Variants in PSMA7 observed in about 807,000 individuals in gnomAD.
PSMA7 encodes proteasome subunit alpha type-7.
A neutral mutation model predicts 31.3 loss-of-function variants in PSMA7; 5 were observed. That is an observed-to-expected ratio of 0.16 (90% CI 0.08 to 0.34). The LOEUF is 0.34. PSMA7 is among the 10% of genes least tolerant of loss of function. The probability of loss-of-function intolerance (pLI) is 1.00; values close to 1 mark genes in which losing one functional copy is unlikely to be tolerated. For synonymous variants in PSMA7, 155 were observed against 121.9 expected, an observed-to-expected ratio of 1.27 and a Z score of -1.79; for missense variants, 217 against 327.5, an observed-to-expected ratio of 0.66 and a Z score of 2.60.
At chr20:62,142,933 C>T (rs2056946010) in intron 1 of PSMA7, among the ~76,000 whole-genome samples, 1 of 150,382 alleles carries the variant, frequency 6.6e-6, no homozygotes, top group Admixed American at 6.6e-5. Flanking sequence ...GTCGTCACGG[C>T]CCCCGTGCCC....
intron 1 of PSMA7, 51 bp downstream of exon 1, chr20:62,143,157 A>C: frequency 1.6e-6 from 2 of 1,257,240 alleles, no homozygotes; most frequent in Non-Finnish European, 2.0e-6. Context: ...TGGGCTCCCC[A>C]GCCCCACTTC....
intron 4 of PSMA7, 47 bp from the exon 5 acceptor site, chr20:62,138,337 C>A: frequency 1.9e-6 from 3 of 1,548,892 alleles, no homozygotes; most frequent in Middle Eastern, 1.9e-4. Context: ...CATGACAACC[C>A]AGGGCCAGCC....
chr20:62,143,249 CT>C lies in PSMA7; in HGVS notation c.54del (p.Val19TrpfsTer64). 6.8e-7 allele frequency: 1 copy of C among 1,481,034 alleles called. No homozygotes were observed. The highest frequency in any genetic ancestry group is 9.0e-7 in the Non-Finnish European group (1 of 1,110,236). 91.7% of individuals were successfully genotyped at this position (1,481,034 alleles called of 1,614,324 possible). ...TVFSPDGHLF[Q>X]VEYAQEAVKK... ...TTGACGGCCTCCTGCGCGTACTCCA[CT>C]TGGAAGAGGTGGCCGTCGGGCGAGA... On this transcript the variant is annotated frameshift_variant, in exon 1 of 7. Coordinates refer to ENST00000370873, the MANE Select transcript of PSMA7 (RefSeq NM_002792.4). LOFTEE classifies it high-confidence loss of function.
Position 62,143,300 on chromosome 20 carries a change from T to C in PSMA7, c.4A>G (p.Ser2Gly). 7.0e-7 allele frequency: 1 copy of C among 1,424,750 alleles called. No homozygotes were observed. The highest frequency in any genetic ancestry group is 9.3e-7 in the Non-Finnish European group (1 of 1,074,382). The allele number at this position is 1,424,750 out of a possible 1,614,324, so 88.3% of individuals were successfully genotyped here. ...AAGACGGTGATGGCGCGGTCGTAGC[T>C]CATGCCGGCGGGCGGCGGCCGGGCT... is the stretch of plus-strand genomic sequence containing the variant. M[S>G]YDRAITVFSP... Residue 2 changes from serine (S) to glycine (G), a missense_variant, in exon 1 of 7, where the codon AGC becomes GGC. This residue lies in a region of PSMA7 where 76 missense variants were observed against 96.5 expected (regional missense o/e 0.79). Coordinates refer to ENST00000370873, the MANE Select transcript of PSMA7 (RefSeq NM_002792.4).
At chr20:62,138,976 T>C (rs886464273) in intron 4 of PSMA7, 99 bp downstream of exon 4, 5 of 1,452,038 alleles carry the variant, frequency 3.4e-6, no homozygotes, top group Admixed American at 2.1e-5. Context: ...AACTGACTCA[T>C]TCACTGATAC....
In PSMA7 at chr20:62,139,865, C is replaced by A; in HGVS notation, c.264G>T (p.Arg88=). 1 of 1,614,034 alleles carries A rather than the reference C, an allele frequency of 6.2e-7. No individual in the cohort carries two copies. The highest frequency in any genetic ancestry group is 8.5e-7 in the Non-Finnish European group (1 of 1,180,030). ...TCAGCCGGTGGCTCTGGCACTCCACCCGGGCCCTGTTGATGACTATCCTTG... is the reference window on the plus strand; with the variant it reads ...TCAGCCGGTGGCTCTGGCACTCCACACGGGCCCTGTTGATGACTATCCTTG... ...ADARIVINRA[R]VECQSHRLTV... is the part of the protein sequence containing the mutation. The change falls in exon 3 of 7, where the codon CGG becomes CGT. Residue 88 remains arginine, a synonymous_variant. Coordinates refer to ENST00000370873, the MANE Select transcript of PSMA7 (RefSeq NM_002792.4).
At position 62,139,841 on chromosome 20, in the gene PSMA7, C is replaced by A; in HGVS notation, c.288G>T (p.Leu96=). The A allele has an allele frequency of 6.2e-7, 1 of 1,614,126 alleles. No individual in the cohort carries two copies. ...CCACAGTGACCGGGTCCTCCACAGT[C>A]AGCCGGTGGCTCTGGCACTCCACCC... ...RARVECQSHR[L]TVEDPVTVEY... is the part of the protein sequence containing the mutation. Residue 96 remains leucine, a synonymous_variant, in exon 3 of 7, where the codon CTG becomes CTT. Coordinates refer to ENST00000370873, the MANE Select transcript of PSMA7 (RefSeq NM_002792.4).
chr20:62,142,795 GC>G (rs1356057522), intron 1 of PSMA7, among the ~76,000 whole-genome samples: 2 of 152,054 alleles, frequency 1.3e-5, no homozygotes, highest in African/African-American at 4.8e-5. Context: ...TGCGTGAACA[GC>G]CCCCCAGCGA....
chr20:62,138,312 T>C lies in PSMA7; in HGVS notation c.472-22A>G, dbSNP rs201094340. 67 of 1,582,228 alleles carry C rather than the reference T, an allele frequency of 4.2e-5. No individual in the cohort carries two copies. In the African/African-American group the frequency reaches 8.3e-4, roughly 20 times the overall value. The stretch of plus-strand genomic sequence containing the variant: ...TGGCCTAAAACAGACACGTATGTTC[T>C]CACGTGGCATAGGGCATGACAACCC... On this transcript the variant is annotated intron_variant, in intron 4 of 6. Coordinates refer to ENST00000370873, the MANE Select transcript of PSMA7 (RefSeq NM_002792.4).
chr20:62,137,216 T>C, intron 6 of PSMA7, 148 bp downstream of exon 6: 1 of 939,758 alleles, frequency 1.1e-6, no homozygotes, highest in Non-Finnish European at 1.7e-6. Flanking sequence ...AATCTTCTCT[T>C]TGACGTATGG....
At chr20:62,141,130 G>A (rs755301846) in intron 1 of PSMA7, among the ~76,000 whole-genome samples, 186 bp from the exon 2 acceptor site, 5 of 152,246 alleles carry the variant, frequency 3.3e-5, no homozygotes, top group Non-Finnish European at 7.3e-5. Context: ...TTAGCCAGGT[G>A]TGGTGGCTGA....
intron 6 of PSMA7, 138 bp downstream of exon 6, chr20:62,137,226 G>C: frequency 1.0e-6 from 1 of 984,340 alleles, no homozygotes; most frequent in East Asian, 2.4e-5. Context: ...TTGACGTATG[G>C]GGAGCCTCAG....
chr20:62,138,163 A>G lies in PSMA7; in HGVS notation c.591+8T>C, dbSNP rs1017566270. 1.1e-5 allele frequency: 17 copies of G among 1,614,198 alleles called. No homozygotes were observed. The highest frequency in any genetic ancestry group is 1.4e-5 in the Non-Finnish European group (16 of 1,179,992). ...ACCACCTTGCCTGGATTCCAAATGCAAACTTACTTCCAGGAGTGCCTTGAT... is the reference window on the plus strand; with the variant it reads ...ACCACCTTGCCTGGATTCCAAATGCGAACTTACTTCCAGGAGTGCCTTGAT... On this transcript the variant is annotated splice_region_variant and intron_variant, in intron 5 of 6. Transcript: ENST00000370873.
chr20:62,141,182 G>A (rs2056925302), intron 1 of PSMA7, among the ~76,000 whole-genome samples: 2 of 152,190 alleles, frequency 1.3e-5, no homozygotes, highest in Non-Finnish European at 2.9e-5. Context: ...TGGGAGGATC[G>A]CTAGAGCCTG....
chr20:62,142,907 G>C (rs916121531), intron 1 of PSMA7, among the ~76,000 whole-genome samples: 3 of 150,518 alleles, frequency 2.0e-5, no homozygotes, highest in African/African-American at 7.3e-5. Context: ...CCGGGGCCAG[G>C]GGTGCTCAAG....
At chr20:62,140,032 A>T in intron 2 of PSMA7, 127 bp from the exon 3 acceptor site, 1 of 1,277,810 alleles carries the variant, frequency 7.8e-7, no homozygotes, top group Non-Finnish European at 1.1e-6. Context: ...ATTCTAACTG[A>T]CTGGCAGCGG....
chr20:62,138,998 C>T (rs2056911439), intron 4 of PSMA7, 77 bp downstream of exon 4: 1 of 1,549,826 alleles, frequency 6.5e-7, no homozygotes, highest in South Asian at 1.2e-5. Context: ...GGGCCTACAG[C>T]AGGAAGCCCA....
intron 5 of PSMA7, 81 bp from the exon 6 acceptor site, chr20:62,137,507 G>T: frequency 7.5e-7 from 1 of 1,340,926 alleles, no homozygotes; most frequent in Non-Finnish European, 1.1e-6. Context: ...CCTTAAATAG[G>T]TGTGTACCCA....
At position 62,139,772 on chromosome 20, in the gene PSMA7, G is replaced by A; in HGVS notation, c.348+9C>T. ...CCAGAGGTGAGCATGCAAGCGGGCA[G>A]GCACCCACCTGCTTCAGACTGGCGA... On this transcript the variant is annotated intron_variant, in intron 3 of 6. Coordinates refer to ENST00000370873, the MANE Select transcript of PSMA7 (RefSeq NM_002792.4). The A allele has an allele frequency of 6.2e-7, 1 of 1,613,936 alleles. No individual in the cohort carries two copies. The highest frequency in any genetic ancestry group is 8.5e-7 in the Non-Finnish European group (1 of 1,180,024).
Sources: gnomAD v4.1 joint callset for allele counts (sites outside exome capture counted in the v4.1 genomes callset) on GRCh38, gnomAD v4.1.1 for gene constraint, gnomAD v4.1.1 regional missense constraint, MANE v1.5 for transcripts, NCBI Gene and HGNC (gene_info 2026-07-23, HGNC 2026-07-21) for gene names.